DNAAF11: variants seen among roughly 807,000 people sequenced by gnomAD.
DNAAF11 encodes dynein axonemal assembly factor 11.
Under a neutral mutation model 60.8 loss-of-function variants are expected in DNAAF11, and 45 were observed. The ratio of observed to expected loss-of-function variants is 0.74; its 90% CI spans 0.58 to 0.95. DNAAF11 has a LOEUF of 0.95. Among genes scored for constraint, DNAAF11 ranks in the 40% least tolerant of loss-of-function variants. The pLI is 0.00. For synonymous variants in DNAAF11, 191 were observed against 183.5 expected (o/e 1.04, Z -0.33); for missense variants, 546 against 546.2 (o/e 1.00, Z 0.00).
At chr8:132,600,676 G>T (rs1287877705) in intron 10 of DNAAF11, among the ~76,000 whole-genome samples, 1 of 152,130 alleles carries the variant, frequency 6.6e-6, no homozygotes, top group Non-Finnish European at 1.5e-5. Flanking sequence ...AATGGGGAAA[G>T]GATTCCCTAT....
intron 4 of DNAAF11, among the ~76,000 whole-genome samples, chr8:132,634,479 A>G (rs761602296): frequency 3.9e-5 from 6 of 152,180 alleles, no homozygotes; most frequent in Non-Finnish European, 8.8e-5. Flanking sequence ...TTATGAGACC[A>G]TAATGATAAA....
chr8:132,660,228 T>A (rs1324201833), intron 2 of DNAAF11, among the ~76,000 whole-genome samples: 2 of 142,854 alleles, frequency 1.4e-5, no homozygotes, highest in Admixed American at 6.9e-5. Flanking sequence ...GTACTTATCT[T>A]TTTTTTTTTT....
At position 132,625,275 on chromosome 8, in the gene DNAAF11, A is replaced by C; in HGVS notation, c.833T>G (p.Leu278Ter). ...MEKQRKKQEKLSEKKKKVKPP... is the reference protein window; with the variant it reads ...MEKQRKKQEK ...CTCCTAGGAAAGAATGAAATACCTTAATTTTTCCTGTTTCTTCCGTTGTTT... is the reference window on the plus strand; with the variant it reads ...CTCCTAGGAAAGAATGAAATACCTTCATTTTTCCTGTTTCTTCCGTTGTTT... Residue 278 changes from leucine to a stop codon, truncating the protein, a stop_gained, in exon 6 of 12, where the codon TTA (leucine) becomes TGA (stop). Coordinates refer to ENST00000620350, the MANE Select transcript of DNAAF11 (RefSeq NM_012472.6). LOFTEE classifies it high-confidence loss of function. 2 of 1,599,056 alleles carry C rather than the reference A, an allele frequency of 1.3e-6. No homozygotes were observed. The highest frequency in any genetic ancestry group is 8.5e-7 in the Non-Finnish European group (1 of 1,173,580).
chr8:132,619,178 C>G (rs938352191), intron 7 of DNAAF11, among the ~76,000 whole-genome samples: 2 of 152,140 alleles, frequency 1.3e-5, no homozygotes, highest in African/African-American at 4.8e-5. Flanking sequence ...AATCATCATT[C>G]TCAGTAAACT....
At chr8:132,678,670 C>A (rs1427095671), upstream of DNAAF11, among the ~76,000 whole-genome samples, 1 of 151,894 alleles carries the variant, frequency 6.6e-6, no homozygotes, top group African/African-American at 2.4e-5. Flanking sequence ...CAGGTGTGAG[C>A]TACCGTGACT....
the DNAAF11 span, among the ~76,000 whole-genome samples, chr8:132,687,050 A>G: frequency 6.6e-6 from 1 of 152,172 alleles, no homozygotes; most frequent in African/African-American, 2.4e-5. Flanking sequence ...TCACCCATAG[A>G]AGACACTCAA....
At chr8:132,624,110 T>C (rs1820020928) in intron 6 of DNAAF11, among the ~76,000 whole-genome samples, 1 of 152,176 alleles carries the variant, frequency 6.6e-6, no homozygotes, top group Non-Finnish European at 1.5e-5. Context: ...CCCACAGATA[T>C]ATAAATATAA....
At position 132,584,421 on chromosome 8, in the gene DNAAF11, G is replaced by C. The variant is rs146815601; in HGVS notation, c.1141-642C>G. Among the ~76,000 whole-genome samples the C allele has an allele frequency of 4.0e-3, 603 of 152,296 alleles. 11 individuals are homozygous for C. The highest frequency in any genetic ancestry group is 0.014 in the African/African-American group (582 of 41,560). ...CAAGGAACTCCTAAGACATCAGAGA[G>C]GGGAAGGAAAAGAGAACCTGCTGCT... On this transcript the variant is annotated intron_variant, in intron 10 of 11. Coordinates refer to ENST00000620350, the MANE Select transcript of DNAAF11 (RefSeq NM_012472.6).
chr8:132,664,387 C>G (rs1402644246), intron 1 of DNAAF11, among the ~76,000 whole-genome samples: 9 of 152,206 alleles, frequency 5.9e-5, no homozygotes, highest in Admixed American at 5.2e-4. Context: ...ATTGCCCACT[C>G]TTAAAGATTT....
At chr8:132,674,077 AGG>A (rs1825458238) in intron 1 of DNAAF11, among the ~76,000 whole-genome samples, 1 of 149,714 alleles carries the variant, frequency 6.7e-6, no homozygotes, top group African/African-American at 2.4e-5. Flanking sequence ...CAGGAGGAGG[AGG>A]AGCAGGAGGA....
intron 11 of DNAAF11, among the ~76,000 whole-genome samples, chr8:132,577,220 T>G (rs888784625): frequency 5.9e-5 from 9 of 152,270 alleles, no homozygotes; most frequent in African/African-American, 2.2e-4. Context: ...GATTTGCTAT[T>G]TGAAACTCTA....
chr8:132,643,968 T>C (rs1822111913), intron 3 of DNAAF11, among the ~76,000 whole-genome samples: 1 of 152,190 alleles, frequency 6.6e-6, no homozygotes, highest in Non-Finnish European at 1.5e-5. Flanking sequence ...AATGCTTTTA[T>C]ATATTCTAGA....
intron 6 of DNAAF11, among the ~76,000 whole-genome samples, chr8:132,624,002 A>T (rs1378712165): frequency 6.6e-6 from 1 of 152,184 alleles, no homozygotes; most frequent in Non-Finnish European, 1.5e-5. Flanking sequence ...TCAGATCTCC[A>T]TCCAATTCAG....
At chr8:132,577,526 T>G (rs554121129) in intron 11 of DNAAF11, among the ~76,000 whole-genome samples, 1 of 152,226 alleles carries the variant, frequency 6.6e-6, no homozygotes, top group Non-Finnish European at 1.5e-5. Flanking sequence ...TAACGTAAAT[T>G]TTTACATAGG....
In DNAAF11 at chr8:132,622,568, C is replaced by T. The variant is rs2272681; in HGVS notation, c.914+43G>A. 587,505 of 1,414,324 alleles carry T rather than the reference C, an allele frequency of 0.42. 131,501 individuals are homozygous for T. Among genetic ancestry groups the T allele is most frequent in the African/African-American group, 0.82 (57,995 of 70,414 alleles). 87.6% of individuals were successfully genotyped at this position (1,414,324 alleles called of 1,614,324 possible). On this transcript the variant is annotated intron_variant, in intron 7 of 11. Transcript: ENST00000620350. ...AACAATGATTGACCAACACCATTGA[C>T]TGACACTTTTGGGTCTTTAACGCTC...
Position 132,632,835 on chromosome 8 carries a change from C to T in DNAAF11, c.558G>A (p.Glu186=). The change falls in exon 5 of 12, where the codon GAG becomes GAA. Residue 186 remains glutamate, a synonymous_variant. Transcript: ENST00000620350. ...CCTCTTCTTGGTGTTTCCTCTGAGC[C>T]TCTTCCTTGAGTTTGGCTCGTTTAA... ...HCLKRAKLKE[E]AQRKHQEEDK... The T allele has an allele frequency of 1.9e-6, 3 of 1,613,938 alleles. No homozygotes were observed. The East Asian group carries it at 6.7e-5, about 36-fold the overall frequency.
At chr8:132,696,767 T>C in the DNAAF11 span, among the ~76,000 whole-genome samples, 3 of 152,208 alleles carry the variant, frequency 2.0e-5, no homozygotes, top group Non-Finnish European at 4.4e-5. Flanking sequence ...GAGGCCATTA[T>C]TCTTAGCAAA....
the DNAAF11 span, among the ~76,000 whole-genome samples, chr8:132,690,190 T>C: frequency 6.6e-6 from 1 of 152,196 alleles, no homozygotes; most frequent in Admixed American, 6.5e-5. Flanking sequence ...AAATCTTACA[T>C]TGGTGATATG....
chr8:132,580,285 G>C (rs1017954080), intron 11 of DNAAF11, among the ~76,000 whole-genome samples: 1 of 152,166 alleles, frequency 6.6e-6, no homozygotes, highest in Non-Finnish European at 1.5e-5. Flanking sequence ...GTGCAGTGAG[G>C]CATGAAGAGG....
Sources: gnomAD v4.1 joint callset for allele counts (sites outside exome capture counted in the v4.1 genomes callset) on GRCh38, gnomAD v4.1.1 for gene constraint, MANE v1.5 for transcripts, NCBI Gene and HGNC (gene_info 2026-07-23, HGNC 2026-07-21) for gene names.